The following LSAMP variants were observed in gnomAD, a reference collection of about 807,000 sequenced individuals.
The protein encoded by LSAMP is limbic system associated membrane protein, also known as limbic system-associated membrane protein.
A neutral mutation model predicts 38.6 loss-of-function variants in LSAMP; 7 were observed. The observed-to-expected ratio is 0.18, with a 90% confidence interval of 0.10 to 0.34. The LOEUF is 0.34. Ranked by LOEUF, LSAMP falls within the 10% of genes least tolerant of loss-of-function variation. The pLI, the probability that LSAMP is intolerant of heterozygous loss-of-function variation, is 1.00. For missense variants in LSAMP, 313 were observed against 420.0 expected, an observed-to-expected ratio of 0.75 and a Z score of 2.23; for synonymous variants, 154 against 166.8, an observed-to-expected ratio of 0.92 and a Z score of 0.59.
At chr3:116,129,001 A>G (rs1709067714) in intron 1 of LSAMP, among the ~76,000 whole-genome samples, 1 of 152,232 alleles carries the variant, frequency 6.6e-6, no homozygotes, top group African/African-American at 2.4e-5. Flanking sequence ...ATTGAAAAAT[A>G]TAAAATCACA....
At chr3:116,070,137 A>G (rs1707566599) in intron 2 of LSAMP, among the ~76,000 whole-genome samples, 1 of 152,224 alleles carries the variant, frequency 6.6e-6, no homozygotes, top group Non-Finnish European at 1.5e-5. Context: ...GTGTGCTTAA[A>G]TAGAGGTCAA....
intron 1 of LSAMP, among the ~76,000 whole-genome samples, chr3:116,356,340 CAT>C (rs1210197058): frequency 1.3e-5 from 2 of 152,178 alleles, no homozygotes; most frequent in Non-Finnish European, 2.9e-5. Flanking sequence ...AAAAACTTCA[CAT>C]GTTCTCACTC....
chr3:116,031,536 TTC>T (rs1940923005), intron 2 of LSAMP, among the ~76,000 whole-genome samples: 3 of 108,856 alleles, frequency 2.8e-5, no homozygotes, highest in African/African-American at 1.1e-4. Flanking sequence ...CTAGCCTAAA[TTC>T]TTTTTTTTTT....
At chr3:115,983,534 T>C (rs1410657730) in intron 3 of LSAMP, among the ~76,000 whole-genome samples, 1 of 151,978 alleles carries the variant, frequency 6.6e-6, no homozygotes, top group Non-Finnish European at 1.5e-5. Context: ...ATAAAAATAA[T>C]AGTAATAATA....
At chr3:115,966,149 A>T (rs1938805855) in intron 3 of LSAMP, among the ~76,000 whole-genome samples, 1 of 152,182 alleles carries the variant, frequency 6.6e-6, no homozygotes, top group African/African-American at 2.4e-5. Context: ...TAAGGAAGGG[A>T]CTATGCACCT....
chr3:115,890,431 T>C (rs1325610573), intron 3 of LSAMP, among the ~76,000 whole-genome samples: 2 of 151,924 alleles, frequency 1.3e-5, no homozygotes, highest in South Asian at 2.1e-4. Flanking sequence ...AACATGGAAC[T>C]AGTAGTTCAG....
At chr3:116,246,286 TTCTGAGG>T (rs2046604513) in intron 1 of LSAMP, among the ~76,000 whole-genome samples, 2 of 152,202 alleles carry the variant, frequency 1.3e-5, no homozygotes, top group African/African-American at 4.8e-5. Flanking sequence ...GAATGCAATC[TTCTGAGG>T]TATCATTGCC....
intron 1 of LSAMP, among the ~76,000 whole-genome samples, chr3:116,100,047 T>C (rs962961416): frequency 2.2e-5 from 3 of 136,046 alleles, no homozygotes; most frequent in Admixed American, 8.6e-5. Context: ...AATTCATCTA[T>C]AAATTTAAGC....
chr3:116,382,922 A>G (rs2048580750), intron 1 of LSAMP, among the ~76,000 whole-genome samples: 1 of 152,148 alleles, frequency 6.6e-6, no homozygotes, highest in African/African-American at 2.4e-5. Flanking sequence ...GCCTTAAGAT[A>G]AAGAATGCTT....
Position 115,867,389 on chromosome 3 carries a change from A to G in LSAMP, c.515-14772T>C, listed in dbSNP as rs530854208. Among the ~76,000 whole-genome samples, 262 of 152,248 alleles carry G rather than the reference A, an allele frequency of 1.7e-3. 3 individuals are homozygous for G. Among genetic ancestry groups the G allele is most frequent in the Admixed American group, 3.6e-3 (55 of 15,260 alleles). On this transcript the variant is annotated intron_variant, in intron 3 of 6. Coordinates refer to ENST00000490035, the MANE Select transcript of LSAMP (RefSeq NM_002338.5). Reference sequence around the variant, plus strand: ...TATACTGATGCAATTTTAATTTTCTAGTGGGAAAAACTTCACAATTTCAAG... The same window carrying G: ...TATACTGATGCAATTTTAATTTTCTGGTGGGAAAAACTTCACAATTTCAAG...
chr3:116,202,477 C>T (rs1341496024), intron 1 of LSAMP, among the ~76,000 whole-genome samples: 4 of 151,842 alleles, frequency 2.6e-5, no homozygotes, highest in East Asian at 3.9e-4. Context: ...CAGGGTTTTG[C>T]TCCATCACCC....
Position 115,808,630 on chromosome 3 carries a change from A to G in LSAMP, c.*1687T>C, listed in dbSNP as rs1423086332. ...TTTAAATAGAGCAGGGAAGATGAAT[A>G]TCATGCAATTCTTAGCACCCTGGCA... On this transcript the variant is annotated 3_prime_UTR_variant, in exon 7 of 7. Transcript: ENST00000490035. 6.6e-6 allele frequency: 1 copy of G among 152,264 alleles called. No individual in the cohort carries two copies. 9.4% of individuals were successfully genotyped at this position (152,264 alleles called of 1,614,324 possible). A position where few individuals can be genotyped will look rare whatever the true frequency, so the allele number is the denominator to read the frequency against.
At chr3:116,265,708 G>C (rs555325816) in intron 1 of LSAMP, among the ~76,000 whole-genome samples, 158 of 152,204 alleles carry the variant, frequency 1.0e-3, no homozygotes, top group African/African-American at 3.6e-3. Context: ...TAATCTAATT[G>C]TGGTTAATCT....
chr3:116,392,801 C>T (rs9827984), intron 1 of LSAMP, among the ~76,000 whole-genome samples: 23,715 of 152,138 alleles, frequency 0.16, 2,165 homozygotes, highest in African/African-American at 0.25. Flanking sequence ...AGGACTCAGC[C>T]AGACTTGAGC....
intron 3 of LSAMP, among the ~76,000 whole-genome samples, chr3:115,942,848 A>G (rs1180216643): frequency 6.6e-6 from 1 of 152,168 alleles, no homozygotes; most frequent in African/African-American, 2.4e-5. Flanking sequence ...TCGACGGTGA[A>G]AACAGAATCA....
At chr3:116,292,663 C>A (rs566375245) in intron 1 of LSAMP, among the ~76,000 whole-genome samples, 1 of 152,164 alleles carries the variant, frequency 6.6e-6, no homozygotes, top group Non-Finnish European at 1.5e-5. Context: ...TGTACTTGAT[C>A]TGGCCTCCTG....
intron 1 of LSAMP, among the ~76,000 whole-genome samples, chr3:116,309,414 G>C (rs2047526948): frequency 6.6e-6 from 1 of 152,032 alleles, no homozygotes; most frequent in African/African-American, 2.4e-5. Context: ...TGACTTTTTA[G>C]CCCTTGAATT....
In LSAMP at chr3:115,841,257, T is replaced by A. The variant is rs3772963; in HGVS notation, c.919+588A>T. Among the ~76,000 whole-genome samples, 84 of 152,044 alleles carry A rather than the reference T, an allele frequency of 5.5e-4. No homozygotes were observed. In the East Asian group the frequency reaches 9.5e-3, roughly 17 times the overall value. ...ATTCCATCTCTGTTCCAAAAATATA[T>A]CAGAAAAGTAATGTCTCTTACTGTC... On this transcript the variant is annotated intron_variant, in intron 6 of 6. Transcript: ENST00000490035.
intron 6 of LSAMP, among the ~76,000 whole-genome samples, chr3:115,838,381 A>C (rs1934866052): frequency 6.6e-6 from 1 of 152,236 alleles, no homozygotes; most frequent in African/African-American, 2.4e-5. Flanking sequence ...TTTAGTTATC[A>C]GTCTGGAAAC....
Sources: gnomAD v4.1 joint callset for allele counts (sites outside exome capture counted in the v4.1 genomes callset) on GRCh38, gnomAD v4.1.1 for gene constraint, MANE v1.5 for transcripts, NCBI Gene and HGNC (gene_info 2026-07-23, HGNC 2026-07-21) for gene names.